ITGA1: variants seen among roughly 807,000 people sequenced by gnomAD.
ITGA1 encodes the protein integrin alpha-1.
In ITGA1, 85 loss-of-function variants were observed where a neutral mutation model predicts 145.9. The observed-to-expected ratio is 0.58, with a 90% CI of 0.49 to 0.70. ITGA1 has a LOEUF of 0.70. Ranked by LOEUF, ITGA1 falls within the 30% of genes least tolerant of loss-of-function variation. The pLI, the probability that ITGA1 is intolerant of heterozygous loss-of-function variation, is 0.00. For synonymous variants in ITGA1, 520 were observed against 495.3 expected (o/e 1.05, Z -0.66); for missense variants, 1,351 against 1,418.7 (o/e 0.95, Z 0.77).
At chr5:52,894,592 A>G (rs1366133026) in intron 9 of ITGA1, among the ~76,000 whole-genome samples, 1 of 152,080 alleles carries the variant, frequency 6.6e-6, no homozygotes, top group East Asian at 1.9e-4. Context: ...TTCTTTGATG[A>G]TCTCTAGTCT....
intron 1 of ITGA1, chr5:52,800,712 C>T: frequency 6.2e-7 from 1 of 1,614,178 alleles, no homozygotes; most frequent in Non-Finnish European, 8.5e-7. Context: ...AGCTGGAGCC[C>T]AACCGCCAGT....
At chr5:52,907,825 T>A (rs1425409450) in intron 12 of ITGA1, among the ~76,000 whole-genome samples, 1 of 152,154 alleles carries the variant, frequency 6.6e-6, no homozygotes, top group African/African-American at 2.4e-5. Context: ...AGCCCAGAGT[T>A]GCAAGATCTT....
chr5:52,932,549 G>T (rs56711741), intron 22 of ITGA1: 1,747 of 154,556 alleles, frequency 0.011, 33 homozygotes, highest in African/African-American at 0.04. Context: ...GGACACACAA[G>T]ATTAAAGCAT....
rs1453087575 is a variant in ITGA1, at chr5:52,910,437, C to T, written c.1857+18C>T. On this transcript the variant is annotated intron_variant, in intron 14 of 28. Transcript: ENST00000282588. The stretch of plus-strand genomic sequence containing the variant: ...ATGCACAAGTAAGAATTGAAACCTA[C>T]AGATTCCCACCCTTCAGTGATAAGT... 6.2e-7 allele frequency: 1 copy of T among 1,603,646 alleles called. No homozygotes were observed. The highest frequency in any genetic ancestry group is 1.1e-5 in the South Asian group (1 of 90,674).
chr5:52,804,133 A>T (rs940987774), intron 1 of ITGA1: 1 of 152,196 alleles, frequency 6.6e-6, no homozygotes, highest in Non-Finnish European at 1.5e-5. Context: ...TCAGATAATT[A>T]TTTTTGACTT....
chr5:52,879,982 T>C (rs1318492796), intron 6 of ITGA1, among the ~76,000 whole-genome samples: 1 of 152,236 alleles, frequency 6.6e-6, no homozygotes, highest in Non-Finnish European at 1.5e-5. Flanking sequence ...ATATGATATA[T>C]GTATTTATGT....
At chr5:52,932,324 C>G in intron 22 of ITGA1, 188 bp downstream of exon 22, 1 of 539,080 alleles carries the variant, frequency 1.9e-6, no homozygotes. Context: ...CCAGGTAATT[C>G]TCATGCATCC....
At chr5:52,803,076 T>C (rs946996935) in intron 1 of ITGA1, 1 of 152,248 alleles carries the variant, frequency 6.6e-6, no homozygotes, top group African/African-American at 2.4e-5. Flanking sequence ...TTTTAACTGC[T>C]GGATCAGCGA....
intron 23 of ITGA1, among the ~76,000 whole-genome samples, chr5:52,936,597 G>A (rs1750968254): frequency 6.6e-6 from 1 of 152,162 alleles, no homozygotes; most frequent in Non-Finnish European, 1.5e-5. Flanking sequence ...TTCAGCAGTA[G>A]GAAGGGGACA....
intron 2 of ITGA1, among the ~76,000 whole-genome samples, chr5:52,851,740 T>G (rs1408809916): frequency 1.3e-5 from 2 of 152,196 alleles, no homozygotes. Context: ...ATGCCTTATA[T>G]CTTGGTTTAC....
rs192384560 is a variant in ITGA1 at position 52,957,288 on chromosome 5, T to A, written c.*4837T>A. On this transcript the variant is annotated 3_prime_UTR_variant, in exon 29 of 29. Coordinates refer to ENST00000282588, the MANE Select transcript of ITGA1 (RefSeq NM_181501.2). ...TCCTTTTCCCATTATAAAGGGCCGA[T>A]GCTTAACCCTTGAACCCACTACTGT... 3.3e-5 allele frequency: 5 copies of A among 152,300 alleles called. No homozygotes were observed. Among genetic ancestry groups the A allele is most frequent in the Admixed American group, 2.0e-4 (3 of 15,286 alleles). The allele number at this position is 152,300 out of a possible 1,614,324, so 9.4% of individuals were successfully genotyped here.
rs1413737881 is a variant in ITGA1 at position 52,910,546 on chromosome 5, T to C, written c.1857+127T>C. On this transcript the variant is annotated intron_variant, in intron 14 of 28. Transcript: ENST00000282588. Reference sequence around the variant, plus strand: ...GACCTTATTGGGAAACTGGATTTAATTCTCTTTAAGTGTTTTTTATAGATT... The same window carrying C: ...GACCTTATTGGGAAACTGGATTTAACTCTCTTTAAGTGTTTTTTATAGATT... 4 of 1,007,580 alleles carry C rather than the reference T, an allele frequency of 4.0e-6. No individual in the cohort carries two copies. In the Admixed American group the frequency reaches 7.7e-5, roughly 19 times the overall value. 62.4% of individuals were successfully genotyped at this position (1,007,580 alleles called of 1,614,324 possible). A position where few individuals can be genotyped will look rare whatever the true frequency, so the allele number is the denominator to read the frequency against.
intron 14 of ITGA1, among the ~76,000 whole-genome samples, chr5:52,911,131 TTATA>T (rs1750515340): frequency 7.3e-6 from 1 of 136,160 alleles, no homozygotes; most frequent in Non-Finnish European, 1.5e-5. Flanking sequence ...TATATATAGT[TTATA>T]TATTGTATAT....
At chr5:52,848,387 C>T (rs1749371340) in intron 1 of ITGA1, among the ~76,000 whole-genome samples, 4 of 152,150 alleles carry the variant, frequency 2.6e-5, no homozygotes, top group Admixed American at 2.6e-4. Context: ...TTCTGCAGGG[C>T]TCACTGCTGG....
At position 52,800,146 on chromosome 5, in the gene ITGA1, G is replaced by C. The variant is rs556146280; in HGVS notation, c.61+11732G>C. 5.4e-5 allele frequency: 29 copies of C among 534,538 alleles called. No individual in the cohort carries two copies. In the South Asian group the frequency reaches 5.7e-4, roughly 11 times the overall value. The allele number at this position is 534,538 out of a possible 1,614,324, so 33.1% of individuals were successfully genotyped here. On this transcript the variant is annotated intron_variant, in intron 1 of 28. Transcript: ENST00000282588. Reference sequence around the variant, plus strand: ...TGCCAGCGGGAACTGTGTAGGGGTAGATTTTCGCTGCAGTGTTCCCCGAGC... The same window carrying C: ...TGCCAGCGGGAACTGTGTAGGGGTACATTTTCGCTGCAGTGTTCCCCGAGC...
At chr5:52,900,528 C>T (rs1463541815) in intron 11 of ITGA1, among the ~76,000 whole-genome samples, 1 of 151,876 alleles carries the variant, frequency 6.6e-6, no homozygotes. Flanking sequence ...CCTAAATGCC[C>T]GAAAATATGC....
intron 1 of ITGA1, among the ~76,000 whole-genome samples, chr5:52,789,137 G>GA (rs1668687765): frequency 6.6e-6 from 1 of 152,074 alleles, no homozygotes; most frequent in African/African-American, 2.4e-5. Flanking sequence ...ATCCAATTTA[G>GA]AAAAAGCTTG....
At chr5:52,944,586 C>A (rs1751106527) in intron 26 of ITGA1, among the ~76,000 whole-genome samples, 2 of 152,056 alleles carry the variant, frequency 1.3e-5, no homozygotes, top group Admixed American at 6.5e-5. Context: ...CATTTTTAAT[C>A]CTAAATAAGT....
At chr5:52,816,768 G>A (rs1561216923) in intron 1 of ITGA1, among the ~76,000 whole-genome samples, 1 of 152,166 alleles carries the variant, frequency 6.6e-6, no homozygotes, top group Non-Finnish European at 1.5e-5. Context: ...AGATAGCAGA[G>A]CTCTTTTCTA....
Sources: allele counts gnomAD v4.1 joint callset (sites outside exome capture counted in the v4.1 genomes callset), GRCh38; gene constraint gnomAD v4.1.1; transcripts MANE v1.5; gene names NCBI Gene and HGNC (gene_info 2026-07-23, HGNC 2026-07-21).